LAMA1: variants seen among roughly 807,000 people sequenced by gnomAD.
LAMA1 encodes laminin subunit alpha-1.
A neutral mutation model predicts 348.7 loss-of-function variants in LAMA1; 219 were observed. The observed-to-expected ratio is 0.63, with a 90% confidence interval of 0.56 to 0.70. The LOEUF is 0.70. LAMA1 is among the 30% of genes least tolerant of loss of function. The pLI is 0.00. For synonymous variants in LAMA1, 1,487 were observed against 1,491.0 expected, an observed-to-expected ratio of 1.00 and a Z score of 0.06; for missense variants, 3,744 against 3,888.0, an observed-to-expected ratio of 0.96 and a Z score of 0.99.
intron 7 of LAMA1, 147 bp from the exon 8 acceptor site, chr18:7,043,552 T>A (rs184712423): frequency 1.5e-6 from 1 of 682,932 alleles, no homozygotes; most frequent in Non-Finnish European, 2.5e-6. Context: ...GGCAGTATTA[T>A]GGAGGACAAT....
chr18:6,957,726 G>A (rs2057586455), intron 55 of LAMA1, among the ~76,000 whole-genome samples: 1 of 152,154 alleles, frequency 6.6e-6, no homozygotes. Flanking sequence ...CTGCTCATGG[G>A]CACATGTCAG....
intron 28 of LAMA1, 135 bp downstream of exon 28, chr18:7,008,352 TA>T: frequency 9.7e-7 from 1 of 1,027,346 alleles, no homozygotes; most frequent in Non-Finnish European, 1.4e-6. Flanking sequence ...TTACCAAAAT[TA>T]ATTTCTTTTT....
chr18:6,963,409 C>T (rs955443984), intron 51 of LAMA1, among the ~76,000 whole-genome samples: 4 of 152,144 alleles, frequency 2.6e-5, no homozygotes, highest in Admixed American at 2.0e-4. Context: ...GGTAAGACTT[C>T]GCAAGTGACC....
chr18:6,973,721 C>T (rs779602719), intron 46 of LAMA1, among the ~76,000 whole-genome samples: 1 of 152,202 alleles, frequency 6.6e-6, no homozygotes, highest in Non-Finnish European at 1.5e-5. Context: ...ACACCTCTCT[C>T]CTGAGGAATT....
At chr18:7,075,930 C>A (rs2058165927) in intron 3 of LAMA1, among the ~76,000 whole-genome samples, 2 of 127,856 alleles carry the variant, frequency 1.6e-5, no homozygotes, top group African/African-American at 5.7e-5. Context: ...GAGTGAGGCT[C>A]CATTTAAAAA....
At chr18:7,076,881 A>T (rs1042001422) in intron 3 of LAMA1, 3 of 152,222 alleles carry the variant, frequency 2.0e-5, no homozygotes, top group Non-Finnish European at 2.9e-5. Context: ...AACATGGTCC[A>T]GTGTTTTAAA....
At chr18:7,019,555 C>A (rs1011368425) in intron 19 of LAMA1, among the ~76,000 whole-genome samples, 10 of 151,678 alleles carry the variant, frequency 6.6e-5, no homozygotes, top group African/African-American at 2.4e-4. Flanking sequence ...AGGAGGGAGG[C>A]GAAATAATGT....
At chr18:7,083,238 T>C (rs562324004) in intron 1 of LAMA1, among the ~76,000 whole-genome samples, 66 of 148,228 alleles carry the variant, frequency 4.5e-4, no homozygotes, top group Non-Finnish European at 8.9e-4. Context: ...CAGGCTGGAG[T>C]GCAGTGGCAC....
At position 6,962,103 on chromosome 18, in the gene LAMA1, A is replaced by T. The variant is rs181968327; in HGVS notation, c.7338-44T>A. The T allele has an allele frequency of 4.7e-4, 652 of 1,399,798 alleles. 5 individuals are homozygous for T. In the African/African-American group the frequency reaches 7.3e-3, roughly 16 times the overall value. The allele number at this position is 1,399,798 out of a possible 1,614,324, so 86.7% of individuals were successfully genotyped here. On this transcript the variant is annotated intron_variant, in intron 51 of 62. Transcript: ENST00000389658. ...GAACAATCACAAAATTTGGGTTTTTAAATTCCATTTTTGAAAGAAGGAATA... is the reference window on the plus strand; with the variant it reads ...GAACAATCACAAAATTTGGGTTTTTTAATTCCATTTTTGAAAGAAGGAATA...
At chr18:7,015,604 TA>T in intron 22 of LAMA1, 117 bp downstream of exon 22, 15 of 1,264,872 alleles carry the variant, frequency 1.2e-5, no homozygotes, top group East Asian at 9.5e-5. Flanking sequence ...TTTTTTTTTT[TA>T]AATTCACAAA....
chr18:7,058,468 A>T (rs746709805), intron 3 of LAMA1, among the ~76,000 whole-genome samples: 19 of 152,208 alleles, frequency 1.2e-4, no homozygotes, highest in Admixed American at 3.3e-4. Flanking sequence ...TGTTTCCCGC[A>T]AAAGTCATAC....
rs907984698 is a variant in LAMA1, at chr18:6,974,779, T to C, written c.6623+124A>G. On this transcript the variant is annotated intron_variant, in intron 46 of 62. Coordinates refer to ENST00000389658, the MANE Select transcript of LAMA1 (RefSeq NM_005559.4). ...TTCTACAGCTAACCTAAACCAAGTA[T>C]TGTTTGGTTATAATCTGACTTTCCA... The C allele has an allele frequency of 6.4e-6, 8 of 1,258,500 alleles. No homozygotes were observed. The Admixed American group carries it at 1.0e-4, about 16-fold the overall frequency. The allele number at this position is 1,258,500 out of a possible 1,614,324, so 78.0% of individuals were successfully genotyped here. A position where few individuals can be genotyped will look rare whatever the true frequency, so the allele number is the denominator to read the frequency against.
At chr18:7,039,000 G>C (rs2058008914) in intron 10 of LAMA1, 50 bp from the exon 11 acceptor site, 1 of 1,489,294 alleles carries the variant, frequency 6.7e-7, no homozygotes, top group African/African-American at 1.4e-5. Context: ...TGTCTGTCCA[G>C]AGAGAATAAA....
At chr18:6,975,720 C>T (rs1241548516) in intron 45 of LAMA1, among the ~76,000 whole-genome samples, 1 of 152,202 alleles carries the variant, frequency 6.6e-6, no homozygotes, top group Admixed American at 6.5e-5. Context: ...ATTAAGATGG[C>T]ATCCTTCAGA....
intron 29 of LAMA1, among the ~76,000 whole-genome samples, chr18:7,003,379 T>C (rs1389860196): frequency 6.6e-6 from 1 of 151,802 alleles, no homozygotes; most frequent in South Asian, 2.1e-4. Context: ...GCCTCCCGAG[T>C]AGCCGGGACT....
At chr18:7,071,708 A>G (rs746179621) in intron 3 of LAMA1, among the ~76,000 whole-genome samples, 8 of 152,252 alleles carry the variant, frequency 5.3e-5, no homozygotes, top group Non-Finnish European at 1.2e-4. Flanking sequence ...ACAAATTTAT[A>G]TATCACATAA....
rs138840774 is a variant in LAMA1 at position 7,056,623 on chromosome 18, C to A, written c.346-5687G>T. The stretch of plus-strand genomic sequence containing the variant: ...CGTGCTGCCTGCCCCCAAATGTCCA[C>A]ACACACCTAGGGTCACTGAACTTTC... On this transcript the variant is annotated intron_variant, in intron 3 of 62. Coordinates refer to ENST00000389658, the MANE Select transcript of LAMA1 (RefSeq NM_005559.4). Among the ~76,000 whole-genome samples the A allele has an allele frequency of 2.2e-3, 336 of 152,272 alleles. 2 individuals carry two copies. Among genetic ancestry groups the A allele is most frequent in the Non-Finnish European group, 3.0e-3 (203 of 68,026 alleles).
intron 23 of LAMA1, 85 bp downstream of exon 23, chr18:7,013,730 T>C (rs964515786): frequency 2.2e-6 from 3 of 1,340,330 alleles, no homozygotes; most frequent in Middle Eastern, 2.5e-4. Context: ...ATCCAAAACC[T>C]GGCTGCTTAG....
At position 6,992,589 on chromosome 18, in the gene LAMA1, A is replaced by G; in HGVS notation, c.5140T>C (p.Leu1714=). The G allele has an allele frequency of 6.2e-7, 1 of 1,614,190 alleles. No homozygotes were observed. Among genetic ancestry groups the G allele is most frequent in the Middle Eastern group, 1.6e-4 (1 of 6,062 alleles). Residue 1714 remains leucine (L), a synonymous_variant, in exon 36 of 63, where the codon TTG becomes CTG. Coordinates refer to ENST00000389658, the MANE Select transcript of LAMA1 (RefSeq NM_005559.4). Reference sequence around the variant, plus strand: ...AGTTCAAGGGTGGCATTTTGGTGCAACTGTGTGAAGTCTCTTATCTGCATG... The same window carrying G: ...AGTTCAAGGGTGGCATTTTGGTGCAGCTGTGTGAAGTCTCTTATCTGCATG... The part of the protein sequence containing the change: ...EIMQIRDFTQ[L]HQNATLELKA...
Sources: allele counts gnomAD v4.1 joint callset (sites outside exome capture counted in the v4.1 genomes callset), GRCh38; gene constraint gnomAD v4.1.1; transcripts MANE v1.5; gene names NCBI Gene and HGNC (gene_info 2026-07-23, HGNC 2026-07-21).